The following GRIN2D variants were observed in gnomAD, a reference collection of about 807,000 sequenced individuals.
GRIN2D encodes glutamate ionotropic receptor NMDA type subunit 2D.
A neutral mutation model predicts 103.2 loss-of-function variants in GRIN2D; 37 were observed. The observed-to-expected ratio is 0.36, with a 90% CI of 0.28 to 0.47. The LOEUF (loss-of-function observed/expected upper bound fraction) is 0.47. Among genes scored for constraint, GRIN2D ranks in the 20% least tolerant of loss-of-function variants. The pLI is 1.00. For missense variants in GRIN2D, 1,557 were observed against 1,910.6 expected, an observed-to-expected ratio of 0.81 and a Z score of 3.45; for synonymous variants, 845 against 885.6, an observed-to-expected ratio of 0.95 and a Z score of 0.81.
chr19:48,404,946 G>A lies in GRIN2D; in HGVS notation c.678G>A (p.Gly226=), dbSNP rs749172584. 4.3e-6 allele frequency: 7 copies of A among 1,612,818 alleles called. No homozygotes were observed. In the South Asian group the frequency reaches 7.7e-5, roughly 18 times the overall value. The change falls in exon 4 of 14, where the codon GGG becomes GGA. Residue 226 remains glycine (G), a synonymous_variant. Coordinates refer to ENST00000263269, the MANE Select transcript of GRIN2D (RefSeq NM_000836.4). ...EHRGALTLDP[G]AGEAVLSAQL... ...GCGGAGCGCTGACGCTGGACCCTGG[G>A]GCGGGCGAGGCCGTGCTCAGTGCCC...
At chr19:48,434,232 A>G (rs10414238) in intron 11 of GRIN2D, among the ~76,000 whole-genome samples, 142,082 of 151,922 alleles carry the variant, frequency 0.94, 66,638 homozygotes, top group African/African-American at 0.97. Context: ...TTACAGGCAC[A>G]AGCCACCGCG....
In GRIN2D at chr19:48,443,599, C is replaced by A. The variant is rs1330487131; in HGVS notation, c.3673C>A (p.Arg1225Ser). 8.7e-7 allele frequency: 1 copy of A among 1,149,646 alleles called. No individual in the cohort carries two copies. Among genetic ancestry groups the A allele is most frequent in the Non-Finnish European group, 1.1e-6 (1 of 937,000 alleles). 71.2% of individuals were successfully genotyped at this position (1,149,646 alleles called of 1,614,324 possible). A position where few individuals can be genotyped will look rare whatever the true frequency, so the allele number is the denominator to read the frequency against. The change falls in exon 14 of 14, where the codon CGC becomes AGC. Residue 1225 changes from arginine (R) to serine (S), a missense_variant. Coordinates refer to ENST00000263269, the MANE Select transcript of GRIN2D (RefSeq NM_000836.4). This position sits in a 1 kb window ranked among gnomAD's most constrained non-coding sequence, Gnocchi z 8.9. ...AAGPLPRRRA[R>S]CGCPRSHPHR... ...CGGGCCCCTGCCCCGACGCCGGGCC[C>A]GCTGCGGGTGCCCGCGGTCGCACCC...
intron 11 of GRIN2D, among the ~76,000 whole-genome samples, chr19:48,429,694 C>T (rs766352076): frequency 2.6e-4 from 39 of 151,128 alleles, no homozygotes; most frequent in African/African-American, 6.1e-4. Flanking sequence ...CCACCGGGCC[C>T]GGCCTAATTT....
At position 48,444,039 on chromosome 19, in the gene GRIN2D, T is replaced by C; in HGVS notation, c.*102T>C. On this transcript the variant is annotated 3_prime_UTR_variant, in exon 14 of 14. Coordinates refer to ENST00000263269, the MANE Select transcript of GRIN2D (RefSeq NM_000836.4). The surrounding 1 kb of genome is among the most constrained non-coding windows in gnomAD (Gnocchi z 5.5). ...CCGCGTGGGTTGGGAAGGAAAGCAG[T>C]GGAACTGGCCGGACCCCGCCTGGAG... The C allele has an allele frequency of 2.6e-6, 2 of 780,202 alleles. No homozygotes were observed. The highest frequency in any genetic ancestry group is 3.6e-6 in the Non-Finnish European group (2 of 548,912). 48.3% of individuals were successfully genotyped at this position (780,202 alleles called of 1,614,324 possible).
chr19:48,402,057 G>A (rs1229118688), intron 3 of GRIN2D, among the ~76,000 whole-genome samples: 1 of 151,544 alleles, frequency 6.6e-6, no homozygotes, highest in African/African-American at 2.4e-5. Context: ...GCGAGATCTC[G>A]CCACTGCATT....
chr19:48,420,213 G>T (rs569979825), intron 10 of GRIN2D, among the ~76,000 whole-genome samples: 2 of 151,992 alleles, frequency 1.3e-5, no homozygotes, highest in South Asian at 4.2e-4. Context: ...CGGATCACGA[G>T]GTCAGGAGAT....
chr19:48,436,844 G>C (rs372796435), intron 11 of GRIN2D, among the ~76,000 whole-genome samples: 192 of 151,930 alleles, frequency 1.3e-3, no homozygotes, highest in South Asian at 6.2e-3. Flanking sequence ...GCCAGAGTGA[G>C]GGGGGGCTTG....
intron 3 of GRIN2D, among the ~76,000 whole-genome samples, chr19:48,402,796 GAGAGAGAGAAT>G (rs1970734734): frequency 6.9e-6 from 1 of 144,884 alleles, no homozygotes; most frequent in African/African-American, 2.7e-5. Flanking sequence ...GAGAGAGAGA[GAGAGAGAGAAT>G]AGGGAACAGT....
At chr19:48,431,534 C>G (rs1971155181) in intron 11 of GRIN2D, among the ~76,000 whole-genome samples, 1 of 151,282 alleles carries the variant, frequency 6.6e-6, no homozygotes, top group Non-Finnish European at 1.5e-5. Context: ...GTTTCTTTTC[C>G]TTGTCCTTGG....
Position 48,442,057 on chromosome 19 carries a change from G to A in GRIN2D, c.2441-93G>A, listed in dbSNP as rs1971301498. Reference sequence around the variant, plus strand: ...AAAGACCCGGACACCAGGGTCTGAGGGAGGAAGGGGCTAAGGGCCTACATT... The same window carrying A: ...AAAGACCCGGACACCAGGGTCTGAGAGAGGAAGGGGCTAAGGGCCTACATT... On this transcript the variant is annotated intron_variant, in intron 12 of 13. Transcript: ENST00000263269. The surrounding 1 kb of genome is among the most constrained non-coding windows in gnomAD (Gnocchi z 7.2). The A allele has an allele frequency of 6.7e-7, 1 of 1,502,728 alleles. No homozygotes were observed. The highest frequency in any genetic ancestry group is 2.3e-5 in the East Asian group (1 of 44,166). 93.1% of individuals were successfully genotyped at this position (1,502,728 alleles called of 1,614,324 possible). A position where few individuals can be genotyped will look rare whatever the true frequency, so the allele number is the denominator to read the frequency against.
chr19:48,409,273 T>TC (rs1970826574), intron 4 of GRIN2D, among the ~76,000 whole-genome samples: 2 of 142,808 alleles, frequency 1.4e-5, no homozygotes, highest in African/African-American at 5.6e-5. Context: ...CAATTAAATT[T>TC]CTTTTTTTTT....
At position 48,443,630 on chromosome 19, in the gene GRIN2D, G is replaced by A. The variant is rs1469043309; in HGVS notation, c.3704G>A (p.Arg1235His). 6.5e-6 allele frequency: 7 copies of A among 1,076,928 alleles called. No individual in the cohort carries two copies. Among genetic ancestry groups the A allele is most frequent in the Non-Finnish European group, 7.8e-6 (7 of 894,408 alleles). 66.7% of individuals were successfully genotyped at this position (1,076,928 alleles called of 1,614,324 possible). A position where few individuals can be genotyped will look rare whatever the true frequency, so the allele number is the denominator to read the frequency against. Residue 1235 changes from arginine (R) to histidine (H), a missense_variant, in exon 14 of 14, where the codon CGC (arginine) becomes CAC (histidine). Transcript: ENST00000263269. This position sits in a 1 kb window ranked among gnomAD's most constrained non-coding sequence, Gnocchi z 8.9. ...GGGTGCCCGCGGTCGCACCCGCACC[G>A]CCCGCGGGCCTCGCACCGCACGCCC... ...RCGCPRSHPHRPRASHRTPAA... is the reference protein window; with the variant it reads ...RCGCPRSHPHHPRASHRTPAA...
In GRIN2D at chr19:48,442,490, G is replaced by T; in HGVS notation, c.2673+108G>T. 6.6e-7 allele frequency: 1 copy of T among 1,516,726 alleles called. No individual in the cohort carries two copies. Among genetic ancestry groups the T allele is most frequent in the Non-Finnish European group, 8.8e-7 (1 of 1,133,124 alleles). The allele number at this position is 1,516,726 out of a possible 1,614,324, so 94.0% of individuals were successfully genotyped here. On this transcript the variant is annotated intron_variant, in intron 13 of 13. Transcript: ENST00000263269. This position sits in a 1 kb window ranked among gnomAD's most constrained non-coding sequence, Gnocchi z 7.2. The stretch of plus-strand genomic sequence containing the variant: ...GGGTCGAGATGTGGATAGTGGGGAA[G>T]AGAGCGGGAAACACAGGCGGGTAAA...
intron 11 of GRIN2D, among the ~76,000 whole-genome samples, chr19:48,422,343 T>G (rs1220976077): frequency 2.0e-5 from 3 of 152,204 alleles, no homozygotes; most frequent in African/African-American, 7.2e-5. Context: ...CCGGGCACGG[T>G]GGCTCATGCC....
At chr19:48,437,158 G>A (rs1292913333) in intron 11 of GRIN2D, among the ~76,000 whole-genome samples, 1 of 152,120 alleles carries the variant, frequency 6.6e-6, no homozygotes, top group Non-Finnish European at 1.5e-5. Context: ...GTCTCCCTCT[G>A]TAACCCAGGC....
intron 11 of GRIN2D, among the ~76,000 whole-genome samples, chr19:48,434,609 T>C (rs61316319): frequency 0.036 from 5,314 of 149,604 alleles, 296 homozygotes; most frequent in African/African-American, 0.12. Flanking sequence ...TTAATTGTAT[T>C]TTTTTTTTTA....
intron 4 of GRIN2D, among the ~76,000 whole-genome samples, chr19:48,406,728 C>T (rs1039016907): frequency 6.6e-6 from 1 of 152,190 alleles, no homozygotes; most frequent in Admixed American, 6.6e-5. Context: ...AATGGCAACG[C>T]AGCATGATGC....
intron 3 of GRIN2D, among the ~76,000 whole-genome samples, chr19:48,399,790 G>A (rs1167118235): frequency 2.0e-5 from 3 of 151,748 alleles, no homozygotes; most frequent in Non-Finnish European, 4.4e-5. Flanking sequence ...GACGGGCAAG[G>A]GGTAGAACCA....
intron 3 of GRIN2D, among the ~76,000 whole-genome samples, chr19:48,403,440 C>T (rs1788359573): frequency 1.3e-5 from 2 of 152,152 alleles, no homozygotes; most frequent in Admixed American, 1.3e-4. Flanking sequence ...TTCTATTTAA[C>T]ATTTTTTTCC....
Sources: gnomAD v4.1 joint callset for allele counts (sites outside exome capture counted in the v4.1 genomes callset) on GRCh38, gnomAD v4.1.1 for gene constraint, Gnocchi (gnomAD v3.1) non-coding constraint, MANE v1.5 for transcripts, NCBI Gene and HGNC (gene_info 2026-07-23, HGNC 2026-07-21) for gene names.